The following DPP10 variants were observed in gnomAD, a reference collection of about 807,000 sequenced individuals.
The protein encoded by DPP10 is inactive dipeptidyl peptidase 10.
Under a neutral mutation model 120.9 loss-of-function variants are expected in DPP10, and 33 were observed. That is an observed-to-expected ratio of 0.27 (90% CI 0.21 to 0.37). The LOEUF (loss-of-function observed/expected upper bound fraction) is 0.37. DPP10 is among the 10% of genes least tolerant of loss of function. The pLI is 1.00. For synonymous variants in DPP10, 337 were observed against 326.1 expected (o/e 1.03, Z -0.36); for missense variants, 816 against 942.8 (o/e 0.87, Z 1.76).
At position 115,563,627 on chromosome 2, in the gene DPP10, C is replaced by T. The variant is rs1284866369; in HGVS notation, c.441+37655C>T. On this transcript the variant is annotated intron_variant, in intron 5 of 25. Transcript: ENST00000410059. ...AAATCTCTCTCAGATAATTAAGACA[C>T]GGAATCTGAAACACAGTGGGCACTT... 3.3e-5 allele frequency among the ~76,000 whole-genome samples: 5 copies of T among 152,220 alleles called. No individual in the cohort carries two copies. The East Asian group carries it at 7.7e-4, about 24-fold the overall frequency.
chr2:115,122,518 A>G (rs185806641), intron 1 of DPP10, among the ~76,000 whole-genome samples: 37 of 152,334 alleles, frequency 2.4e-4, no homozygotes, highest in South Asian at 8.3e-4. Flanking sequence ...GCATTCTAGA[A>G]GTTACAAGAG....
chr2:115,634,178 A>G (rs1348473728), intron 5 of DPP10, among the ~76,000 whole-genome samples: 1 of 152,056 alleles, frequency 6.6e-6, no homozygotes, highest in Non-Finnish European at 1.5e-5. Context: ...TCTGTTTAAC[A>G]GCTCCTTCTG....
At chr2:115,127,221 G>T (rs190144533) in intron 1 of DPP10, among the ~76,000 whole-genome samples, 1 of 152,328 alleles carries the variant, frequency 6.6e-6, no homozygotes, top group East Asian at 1.9e-4. Flanking sequence ...GTAGAGTCCT[G>T]TGTGTGTTTT....
At chr2:115,548,615 A>G (rs1464402070) in intron 5 of DPP10, among the ~76,000 whole-genome samples, 1 of 152,158 alleles carries the variant, frequency 6.6e-6, no homozygotes, top group Non-Finnish European at 1.5e-5. Context: ...AGACTCAGAA[A>G]AAGATACAGT....
intron 1 of DPP10, chr2:115,161,847 C>T: frequency 7.1e-6 from 7 of 981,376 alleles, no homozygotes; most frequent in Non-Finnish European, 8.1e-6. Context: ...CCCGTCCCTT[C>T]CGCCGATTCC....
chr2:114,914,343 C>G (rs1694613806), intron 1 of DPP10, among the ~76,000 whole-genome samples: 1 of 152,196 alleles, frequency 6.6e-6, no homozygotes, highest in South Asian at 2.1e-4. Flanking sequence ...GGAACCCTAT[C>G]AAGCTAACAG....
intron 5 of DPP10, among the ~76,000 whole-genome samples, chr2:115,636,273 A>G (rs2086325075): frequency 6.6e-6 from 1 of 152,204 alleles, no homozygotes; most frequent in South Asian, 2.1e-4. Context: ...AATAGGGGAA[A>G]ACATCAACTA....
intron 1 of DPP10, among the ~76,000 whole-genome samples, chr2:114,474,383 T>C (rs1573432792): frequency 6.6e-6 from 1 of 152,354 alleles, no homozygotes; most frequent in East Asian, 1.9e-4. Context: ...AACAAAACCT[T>C]AGCCAACCAC....
chr2:115,103,215 T>C (rs1361232495), intron 1 of DPP10, among the ~76,000 whole-genome samples: 1 of 136,672 alleles, frequency 7.3e-6, no homozygotes, highest in Non-Finnish European at 1.5e-5. Context: ...TGAGACGGAG[T>C]CTCACTGTGT....
chr2:115,484,083 A>T (rs1558735590), intron 3 of DPP10, among the ~76,000 whole-genome samples: 1 of 151,764 alleles, frequency 6.6e-6, no homozygotes, highest in Non-Finnish European at 1.5e-5. Context: ...CAGAATTTTA[A>T]CAATTACTAA....
intron 1 of DPP10, among the ~76,000 whole-genome samples, chr2:114,967,833 C>T (rs781476155): frequency 6.6e-6 from 1 of 152,032 alleles, no homozygotes; most frequent in African/African-American, 2.4e-5. Context: ...AGGGCATTTT[C>T]CTTGCCTCTT....
chr2:115,716,394 G>T (rs747728958), intron 7 of DPP10, among the ~76,000 whole-genome samples: 4 of 152,168 alleles, frequency 2.6e-5, no homozygotes, highest in Non-Finnish European at 5.9e-5. Context: ...GTATGTAGTT[G>T]TATCCCATTG....
intron 1 of DPP10, among the ~76,000 whole-genome samples, chr2:114,659,781 T>A (rs547630452): frequency 3.5e-4 from 53 of 152,234 alleles, no homozygotes; most frequent in African/African-American, 1.3e-3. Flanking sequence ...CTAAATCCAA[T>A]GTCTAGTTTT....
At chr2:114,736,444 G>A (rs1677447354) in intron 1 of DPP10, among the ~76,000 whole-genome samples, 1 of 152,076 alleles carries the variant, frequency 6.6e-6, no homozygotes, top group Non-Finnish European at 1.5e-5. Flanking sequence ...TGCATACAGG[G>A]CAAAACAACA....
At chr2:114,646,188 A>AAATAAATG (rs1553475713) in intron 1 of DPP10, among the ~76,000 whole-genome samples, 193 of 151,352 alleles carry the variant, frequency 1.3e-3, no homozygotes, top group African/African-American at 4.4e-3. Context: ...ATAAATAAAT[A>AAATAAATG]AATAAATAAA....
chr2:115,776,998 C>G (rs1682181226), intron 13 of DPP10, among the ~76,000 whole-genome samples: 1 of 151,934 alleles, frequency 6.6e-6, no homozygotes, highest in South Asian at 2.1e-4. Context: ...TTCTGAATGA[C>G]TTTTCTATAG....
intron 3 of DPP10, among the ~76,000 whole-genome samples, chr2:115,367,558 ACTTT>A (rs1429172100): frequency 1.3e-5 from 2 of 152,074 alleles, no homozygotes; most frequent in Non-Finnish European, 2.9e-5. Flanking sequence ...AACTTTTTCT[ACTTT>A]CTTTATACTT....
chr2:115,548,240 G>T (rs911726692), intron 5 of DPP10, among the ~76,000 whole-genome samples: 4 of 152,062 alleles, frequency 2.6e-5, no homozygotes, highest in South Asian at 2.1e-4. Flanking sequence ...TCATTTAAGC[G>T]AGTTTTCTCC....
At chr2:115,317,526 A>C (rs964681104) in intron 2 of DPP10, among the ~76,000 whole-genome samples, 28 of 152,228 alleles carry the variant, frequency 1.8e-4, no homozygotes, top group African/African-American at 6.5e-4. Flanking sequence ...TCTGTGTTTA[A>C]ATGTCTGAAG....
Sources: allele counts gnomAD v4.1 joint callset (sites outside exome capture counted in the v4.1 genomes callset), GRCh38; gene constraint gnomAD v4.1.1; transcripts MANE v1.5; gene names NCBI Gene and HGNC (gene_info 2026-07-23, HGNC 2026-07-21).